The following TMEM132D variants were observed in gnomAD, a reference collection of about 807,000 sequenced individuals.
TMEM132D encodes transmembrane protein 132D.
In TMEM132D, 21 loss-of-function variants were observed where a neutral mutation model predicts 62.3. The ratio of observed to expected loss-of-function variants is 0.34; its 90% CI spans 0.24 to 0.49. The LOEUF (loss-of-function observed/expected upper bound fraction) is 0.49. Ranked by LOEUF, TMEM132D falls within the 20% of genes least tolerant of loss-of-function variation. The probability of loss-of-function intolerance (pLI) is 0.99; values close to 1 mark genes in which losing one functional copy is unlikely to be tolerated. For missense variants in TMEM132D, 1,346 were observed against 1,402.8 expected (o/e 0.96, Z 0.65); for synonymous variants, 621 against 575.6 (o/e 1.08, Z -1.13).
chr12:129,903,131 A>G lies in TMEM132D; in HGVS notation c.79+130T>C. ...CACGTTCACACGCGCGCACACACACATGCACACAAGCGCGCACACACACTT... is the reference window on the plus strand; with the variant it reads ...CACGTTCACACGCGCGCACACACACGTGCACACAAGCGCGCACACACACTT... On this transcript the variant is annotated intron_variant, in intron 1 of 8. Transcript: ENST00000422113. The surrounding 1 kb of genome is among the most constrained non-coding windows in gnomAD (Gnocchi z 6.2). The G allele has an allele frequency of 1.0e-6, 1 of 990,774 alleles. No individual in the cohort carries two copies. Among genetic ancestry groups the G allele is most frequent in the Non-Finnish European group, 1.5e-6 (1 of 662,302 alleles). 61.4% of individuals were successfully genotyped at this position (990,774 alleles called of 1,614,324 possible).
In TMEM132D at chr12:129,074,450, C is replaced by T. The variant is rs1220315491; in HGVS notation, c.2725G>A (p.Ala909Thr). ...TCTAAGTCGCTCAGCCCTTTGGATG[C>T]CTGCATAAGGTCATTCCCATCCATT... The part of the protein sequence containing the change: ...GEMDGNDLMQ[A>T]SKGLSDLEIG... Residue 909 changes from alanine to threonine, a missense_variant, in exon 9 of 9, where the codon GCA becomes ACA. Ala to Thr is a moderately conservative substitution (Grantham distance 58). Coordinates refer to ENST00000422113, the MANE Select transcript of TMEM132D (RefSeq NM_133448.3). The T allele has an allele frequency of 6.2e-7, 1 of 1,614,138 alleles. No individual in the cohort carries two copies.
chr12:129,876,673 T>C (rs1874425357), intron 1 of TMEM132D, among the ~76,000 whole-genome samples: 5 of 152,204 alleles, frequency 3.3e-5, no homozygotes, highest in Admixed American at 3.3e-4. Flanking sequence ...TCTGTCTCTT[T>C]GTGTTGGCTT....
chr12:129,417,794 A>G (rs1018676757), intron 3 of TMEM132D, among the ~76,000 whole-genome samples: 1 of 152,212 alleles, frequency 6.6e-6, no homozygotes, highest in African/African-American at 2.4e-5. Flanking sequence ...AATTTTTGCA[A>G]TCTATCCATC....
intron 1 of TMEM132D, among the ~76,000 whole-genome samples, chr12:129,840,875 A>G (rs1873170274): frequency 6.6e-6 from 1 of 152,282 alleles, no homozygotes; most frequent in Admixed American, 6.5e-5. Flanking sequence ...CTTAATAAAT[A>G]TAGCATTAAA....
intron 3 of TMEM132D, among the ~76,000 whole-genome samples, chr12:129,513,253 C>G (rs571721687): frequency 6.6e-6 from 1 of 152,044 alleles, no homozygotes; most frequent in Admixed American, 6.5e-5. Flanking sequence ...TTTGTAACAA[C>G]CCACTCTTAA....
intron 4 of TMEM132D, among the ~76,000 whole-genome samples, chr12:129,252,790 C>T (rs1438762685): frequency 1.3e-5 from 2 of 152,036 alleles, no homozygotes; most frequent in African/African-American, 4.8e-5. Flanking sequence ...TGGAACCAAC[C>T]TAAATGTCCA....
chr12:129,385,396 G>A (rs1004646670), intron 3 of TMEM132D, among the ~76,000 whole-genome samples: 15 of 151,972 alleles, frequency 9.9e-5, no homozygotes, highest in Admixed American at 6.6e-4. Context: ...ATGAGCCACC[G>A]TGCTTGGCCC....
chr12:129,510,105 C>G (rs1875455042), intron 3 of TMEM132D, among the ~76,000 whole-genome samples: 1 of 152,146 alleles, frequency 6.6e-6, no homozygotes, highest in Admixed American at 6.5e-5. Context: ...CAAGGGCTCA[C>G]TTTTCTGCAT....
At chr12:129,238,499 C>A (rs1879845890) in intron 4 of TMEM132D, among the ~76,000 whole-genome samples, 2 of 152,192 alleles carry the variant, frequency 1.3e-5, no homozygotes, top group South Asian at 2.1e-4. Flanking sequence ...TTCTCTCAAG[C>A]CCCTGGCAAT....
intron 5 of TMEM132D, among the ~76,000 whole-genome samples, chr12:129,090,266 G>A (rs1874863842): frequency 6.6e-6 from 1 of 152,186 alleles, no homozygotes; most frequent in Admixed American, 6.5e-5. Context: ...CCTGGCCACA[G>A]TTCTCCTTGC....
intron 3 of TMEM132D, among the ~76,000 whole-genome samples, chr12:129,404,225 G>A (rs1271152771): frequency 6.6e-6 from 1 of 152,038 alleles, no homozygotes; most frequent in East Asian, 1.9e-4. Flanking sequence ...TTGAGACAGA[G>A]TCTTACTCTG....
intron 2 of TMEM132D, among the ~76,000 whole-genome samples, chr12:129,647,928 T>C (rs1879828979): frequency 3.3e-5 from 5 of 152,186 alleles, no homozygotes. Context: ...CCCTAGTTCA[T>C]TTCTGGGCAT....
intron 5 of TMEM132D, among the ~76,000 whole-genome samples, chr12:129,106,487 A>T (rs1408066555): frequency 6.6e-6 from 1 of 152,232 alleles, no homozygotes; most frequent in Non-Finnish European, 1.5e-5. Context: ...AAATAAAAAA[A>T]TAGAATATCT....
chr12:129,339,148 A>G (rs925616991), intron 3 of TMEM132D, among the ~76,000 whole-genome samples: 4 of 152,124 alleles, frequency 2.6e-5, no homozygotes, highest in Non-Finnish European at 5.9e-5. Context: ...GCATGTGCCT[A>G]TAATCCCAGC....
At position 129,167,686 on chromosome 12, in the gene TMEM132D, A is replaced by T. The variant is rs543425617; in HGVS notation, c.1443+41834T>A. ...CTTCTGACACTGTGGAATTGGCACA[A>T]TACTAGATACAGCTTAGATCTAGAG... On this transcript the variant is annotated intron_variant, in intron 5 of 8. Coordinates refer to ENST00000422113, the MANE Select transcript of TMEM132D (RefSeq NM_133448.3). Among the ~76,000 whole-genome samples, 3 of 152,118 alleles carry T rather than the reference A, an allele frequency of 2.0e-5. No homozygotes were observed. In the South Asian group the frequency reaches 6.2e-4, roughly 32 times the overall value.
intron 2 of TMEM132D, among the ~76,000 whole-genome samples, chr12:129,561,618 T>C (rs565360792): frequency 3.2e-4 from 49 of 152,310 alleles, no homozygotes; most frequent in African/African-American, 1.2e-3. Context: ...CAAACTCTTA[T>C]TAAGGGCTGA....
intron 1 of TMEM132D, among the ~76,000 whole-genome samples, chr12:129,812,055 C>T (rs1210237702): frequency 6.6e-6 from 1 of 151,836 alleles, no homozygotes; most frequent in Non-Finnish European, 1.5e-5. Flanking sequence ...CCAGCTGTTC[C>T]AAGCTGCTAC....
chr12:129,597,297 C>T (rs1878364604), intron 2 of TMEM132D, among the ~76,000 whole-genome samples: 1 of 152,132 alleles, frequency 6.6e-6, no homozygotes, highest in South Asian at 2.1e-4. Context: ...CAGTGATATA[C>T]TCCTGTTTAC....
At chr12:129,591,463 T>C (rs183477173) in intron 2 of TMEM132D, among the ~76,000 whole-genome samples, 2 of 152,260 alleles carry the variant, frequency 1.3e-5, no homozygotes, top group African/African-American at 4.8e-5. Flanking sequence ...CCATTCTTTC[T>C]TTCTGAAAAT....
Sources: gnomAD v4.1 joint callset for allele counts (sites outside exome capture counted in the v4.1 genomes callset) on GRCh38, gnomAD v4.1.1 for gene constraint, Gnocchi (gnomAD v3.1) non-coding constraint, MANE v1.5 for transcripts, NCBI Gene and HGNC (gene_info 2026-07-23, HGNC 2026-07-21) for gene names.